IQUB: variants seen among roughly 807,000 people sequenced by gnomAD.
The protein encoded by IQUB is IQ motif and ubiquitin-like domain-containing protein.
Under a neutral mutation model 86.4 loss-of-function variants are expected in IQUB, and 86 were observed. That is an observed-to-expected ratio of 1.00 (90% confidence interval 0.84 to 1.19). The LOEUF is 1.19. Among genes scored for constraint, IQUB ranks in the 50% most tolerant of loss-of-function variants. IQUB has a pLI of 0.00. For synonymous variants in IQUB, 289 were observed against 304.5 expected (o/e 0.95, Z 0.53); for missense variants, 946 against 916.9 (o/e 1.03, Z -0.41).
rs752651563 is a variant in IQUB, at chr7:123,461,510, G to A, written c.1854C>T (p.Thr618=). The A allele has an allele frequency of 8.6e-5, 138 of 1,612,182 alleles. No homozygotes were observed. In the East Asian group the frequency reaches 3.1e-3, roughly 36 times the overall value. The stretch of plus-strand genomic sequence containing the variant: ...TACGACACCGGTATATGCGGCGTGA[G>A]GTGGATGATACAGAAAATTCTGTAG... The part of the protein sequence containing the change: ...LPSTEFSVSS[T]SRRIYRCRNC... Residue 618 remains threonine (T), a synonymous_variant, in exon 11 of 13, where the codon ACC becomes ACT. Transcript: ENST00000324698.
intron 7 of IQUB, among the ~76,000 whole-genome samples, chr7:123,491,254 A>T (rs1227845281): frequency 1.3e-5 from 2 of 152,138 alleles, no homozygotes; most frequent in Non-Finnish European, 2.9e-5. Flanking sequence ...AAACACCTAT[A>T]ATTAGGAAAG....
chr7:123,521,411 G>A (rs189067629), intron 1 of IQUB, among the ~76,000 whole-genome samples: 20 of 152,258 alleles, frequency 1.3e-4, no homozygotes, highest in Non-Finnish European at 2.2e-4. Context: ...GGGAGGCCGA[G>A]GTGGTCAGAT....
At chr7:123,474,869 G>A (rs1226257571) in intron 8 of IQUB, among the ~76,000 whole-genome samples, 1 of 152,118 alleles carries the variant, frequency 6.6e-6, no homozygotes, top group African/African-American at 2.4e-5. Flanking sequence ...ATCAGCTGGG[G>A]TAACTGTGGG....
intron 9 of IQUB, among the ~76,000 whole-genome samples, chr7:123,466,589 AT>A (rs1794274003): frequency 6.6e-6 from 1 of 152,100 alleles, no homozygotes; most frequent in African/African-American, 2.4e-5. Context: ...TGGAAGAACC[AT>A]TTACCCAATT....
chr7:123,498,213 C>T (rs1043163363), intron 6 of IQUB, among the ~76,000 whole-genome samples: 1 of 151,962 alleles, frequency 6.6e-6, no homozygotes, highest in African/African-American at 2.4e-5. Flanking sequence ...AACACATCAG[C>T]GGCATCTAGA....
chr7:123,522,838 T>A (rs1476264422), intron 1 of IQUB, among the ~76,000 whole-genome samples: 1 of 146,676 alleles, frequency 6.8e-6, no homozygotes, highest in Non-Finnish European at 1.5e-5. Flanking sequence ...TATCTCCCAA[T>A]GCTATCCCTC....
chr7:123,497,698 T>C (rs947265259), intron 6 of IQUB, among the ~76,000 whole-genome samples: 1 of 150,986 alleles, frequency 6.6e-6, no homozygotes, highest in Non-Finnish European at 1.5e-5. Context: ...TCCCTTACTC[T>C]CATCCTAATG....
intron 12 of IQUB, among the ~76,000 whole-genome samples, chr7:123,454,102 G>C (rs1225940268): frequency 6.6e-6 from 1 of 151,968 alleles, no homozygotes; most frequent in Non-Finnish European, 1.5e-5. Context: ...AGTATCCTGG[G>C]CTTATTAAAA....
At position 123,452,684 on chromosome 7, in the gene IQUB, G is replaced by T; in HGVS notation, c.*59C>A. ...TCCATTTCCATACTCTGTGACCTCT[G>T]TATTACCCTATTAGCAGTGAACAAA... On this transcript the variant is annotated 3_prime_UTR_variant, in exon 13 of 13. Transcript: ENST00000324698. 2 of 1,188,550 alleles carry T rather than the reference G, an allele frequency of 1.7e-6. No individual in the cohort carries two copies. The highest frequency in any genetic ancestry group is 2.4e-6 in the Non-Finnish European group (2 of 823,146). 73.6% of individuals were successfully genotyped at this position (1,188,550 alleles called of 1,614,324 possible). A position where few individuals can be genotyped will look rare whatever the true frequency, so the allele number is the denominator to read the frequency against.
At chr7:123,502,529 G>C (rs1010958540) in intron 6 of IQUB, 68 bp downstream of exon 6, 2 of 1,377,180 alleles carry the variant, frequency 1.5e-6, no homozygotes, top group African/African-American at 1.4e-5. Context: ...TGGAGAAAGA[G>C]ACACACTCGG....
At chr7:123,467,981 T>G (rs1563433426) in intron 9 of IQUB, among the ~76,000 whole-genome samples, 1 of 152,228 alleles carries the variant, frequency 6.6e-6, no homozygotes, top group Non-Finnish European at 1.5e-5. Context: ...GGCAAGTGTT[T>G]TCTTGCTTAT....
At chr7:123,528,178 G>A (rs980584629) in intron 1 of IQUB, among the ~76,000 whole-genome samples, 1 of 152,066 alleles carries the variant, frequency 6.6e-6, no homozygotes, top group Non-Finnish European at 1.5e-5. Flanking sequence ...TTCGGCTCGC[G>A]CACGGTGCAC....
chr7:123,519,584 G>C (rs1796808951), intron 1 of IQUB, among the ~76,000 whole-genome samples: 1 of 152,104 alleles, frequency 6.6e-6, no homozygotes, highest in African/African-American at 2.4e-5. Context: ...TTCAAAAGTA[G>C]GAGCTTAAAA....
intron 1 of IQUB, among the ~76,000 whole-genome samples, chr7:123,533,828 G>C (rs1416232989): frequency 2.0e-5 from 3 of 152,104 alleles, no homozygotes; most frequent in Non-Finnish European, 1.5e-5. Flanking sequence ...TTTACTATTC[G>C]AACTATTTTT....
intron 8 of IQUB, among the ~76,000 whole-genome samples, chr7:123,478,399 A>G (rs370689181): frequency 5.9e-5 from 9 of 152,098 alleles, no homozygotes; most frequent in East Asian, 3.9e-4. Flanking sequence ...AGGGTGGGGA[A>G]CATCACACAT....
chr7:123,502,523 G>A, intron 6 of IQUB, 74 bp downstream of exon 6: 2 of 1,337,808 alleles, frequency 1.5e-6, no homozygotes, highest in South Asian at 1.3e-5. Flanking sequence ...GTGGCTTGGA[G>A]AAAGAGACAC....
At chr7:123,532,870 C>CCG (rs1797605216) in intron 1 of IQUB, 1 of 152,358 alleles carries the variant, frequency 6.6e-6, no homozygotes, top group Non-Finnish European at 1.5e-5. Flanking sequence ...ATGTAGGACC[C>CCG]CGAAAAGGCC....
At chr7:123,461,694 A>G (rs1350395919) in intron 10 of IQUB, 89 bp from the exon 11 acceptor site, 2 of 1,133,884 alleles carry the variant, frequency 1.8e-6, no homozygotes, top group Non-Finnish European at 2.3e-6. Context: ...TCAAAGGCTA[A>G]CTTACTTATC....
rs1321825436 is a variant in IQUB, at chr7:123,489,713, C to CA, written c.1234+6982dup. ...TATGAAGAAACTGTCCCAAAAGCAG[C>CA]AAAAAAAAACATAAGAGATAAAAGT... On this transcript the variant is annotated intron_variant, in intron 7 of 12. Coordinates refer to ENST00000324698, the MANE Select transcript of IQUB (RefSeq NM_178827.5). Among the ~76,000 whole-genome samples the CA allele has an allele frequency of 9.6e-4, 139 of 145,460 alleles. 2 individuals carry two copies. The highest frequency in any genetic ancestry group is 1.4e-3 in the African/African-American group (57 of 39,752).
Sources: allele counts gnomAD v4.1 joint callset (sites outside exome capture counted in the v4.1 genomes callset), GRCh38; gene constraint gnomAD v4.1.1; transcripts MANE v1.5; gene names NCBI Gene and HGNC (gene_info 2026-07-23, HGNC 2026-07-21).